DIAPH2: variants seen among roughly 807,000 people sequenced by gnomAD.
The protein encoded by DIAPH2 is protein diaphanous homolog 2.
DIAPH2 carries 35 observed loss-of-function variants against 92.7 expected under a neutral mutation model. The observed-to-expected ratio is 0.38, with a 90% CI of 0.29 to 0.50. The LOEUF (loss-of-function observed/expected upper bound fraction) is 0.50. Ranked by LOEUF, DIAPH2 falls within the 20% of genes least tolerant of loss-of-function variation. The pLI, the probability that DIAPH2 is intolerant of heterozygous loss-of-function variation, is 0.94. For missense variants in DIAPH2, 701 were observed against 819.5 expected (o/e 0.86, Z 1.77); for synonymous variants, 301 against 280.4 (o/e 1.07, Z -0.73).
In DIAPH2 at chrX:97,089,092, T is replaced by C. The variant is rs185463780; in HGVS notation, c.2248-10602T>C. Among the ~76,000 whole-genome samples the C allele has an allele frequency of 2.4e-4, 27 of 112,084 alleles. 1 individual carries two copies. The East Asian group carries it at 7.0e-3, about 29-fold the overall frequency. On this transcript the variant is annotated intron_variant, in intron 19 of 26. Transcript: ENST00000324765. Reference sequence around the variant, plus strand: ...TACTTCCAGATGAAGAGATTTTCCGTCAGTGATGAGTAGCATCGTAAATAG... The same window carrying C: ...TACTTCCAGATGAAGAGATTTTCCGCCAGTGATGAGTAGCATCGTAAATAG...
At chrX:97,015,655 T>C (rs1430236427) in intron 17 of DIAPH2, among the ~76,000 whole-genome samples, 4 of 111,059 alleles carry the variant, frequency 3.6e-5, no homozygotes, top group Non-Finnish European at 7.5e-5. Flanking sequence ...GGTGGCTTTG[T>C]AACACATCTT....
At chrX:96,812,622 A>G (rs997568096) in intron 4 of DIAPH2, among the ~76,000 whole-genome samples, 2 of 111,602 alleles carry the variant, frequency 1.8e-5, no homozygotes, top group African/African-American at 6.5e-5. Flanking sequence ...TAGGGTGTCA[A>G]TTTTAGATCT....
chrX:97,416,900 G>A (rs1183354514), intron 25 of DIAPH2, among the ~76,000 whole-genome samples: 2 of 112,333 alleles, frequency 1.8e-5, no homozygotes, highest in Non-Finnish European at 3.8e-5. Flanking sequence ...AGCCACTAGT[G>A]GATCTAATTT....
intron 22 of DIAPH2, among the ~76,000 whole-genome samples, chrX:97,188,599 G>A (rs753979836): frequency 8.9e-6 from 1 of 112,293 alleles, no homozygotes. Context: ...TTCAACTTCA[G>A]ACTGTTTAAT....
intron 20 of DIAPH2, among the ~76,000 whole-genome samples, chrX:97,101,835 CTAGGTG>C (rs976142207): frequency 1.8e-5 from 2 of 112,110 alleles, no homozygotes; most frequent in African/African-American, 6.5e-5. Flanking sequence ...ACATATTTCT[CTAGGTG>C]TATGCTGAAA....
At chrX:96,761,249 T>C (rs1280090295) in intron 4 of DIAPH2, among the ~76,000 whole-genome samples, 1 of 110,887 alleles carries the variant, frequency 9.0e-6, no homozygotes, top group Non-Finnish European at 1.9e-5. Context: ...TGTTAAGGGA[T>C]TGGTTTATTT....
intron 1 of DIAPH2, among the ~76,000 whole-genome samples, chrX:96,695,007 GC>G (rs1419463759): frequency 3.8e-5 from 4 of 106,623 alleles, no homozygotes; most frequent in African/African-American, 6.9e-5. Flanking sequence ...AAGCACAGTG[GC>G]ATGATTTCGG....
At chrX:97,396,421 C>T (rs367697027) in intron 25 of DIAPH2, among the ~76,000 whole-genome samples, 1 of 111,004 alleles carries the variant, frequency 9.0e-6, no homozygotes, top group East Asian at 2.8e-4. Context: ...CCTGTAATCC[C>T]GGCACTTTGG....
At chrX:97,222,257 TGCAGTG>T (rs2067931824) in intron 22 of DIAPH2, among the ~76,000 whole-genome samples, 1 of 110,945 alleles carries the variant, frequency 9.0e-6, no homozygotes, top group Non-Finnish European at 1.9e-5. Flanking sequence ...CAGGCTGGAG[TGCAGTG>T]GCATGATCTC....
At chrX:97,308,936 C>G (rs1206314247) in intron 23 of DIAPH2, among the ~76,000 whole-genome samples, 1 of 103,997 alleles carries the variant, frequency 9.6e-6, no homozygotes, top group Non-Finnish European at 2.0e-5. Context: ...GGAGATGGCT[C>G]GAACCTGGGA....
chrX:96,705,779 A>T (rs1003049214), intron 1 of DIAPH2, among the ~76,000 whole-genome samples: 1 of 112,092 alleles, frequency 8.9e-6, no homozygotes, highest in Non-Finnish European at 1.9e-5. Context: ...TAGCATTAGA[A>T]TCACTTGCCT....
intron 4 of DIAPH2, among the ~76,000 whole-genome samples, chrX:96,874,087 G>A (rs2065162528): frequency 9.0e-6 from 1 of 111,492 alleles, no homozygotes; most frequent in African/African-American, 3.3e-5. Flanking sequence ...ATGTGACTTG[G>A]TGACCAAGTT....
At chrX:96,847,674 T>A (rs2064980683) in intron 4 of DIAPH2, among the ~76,000 whole-genome samples, 1 of 110,888 alleles carries the variant, frequency 9.0e-6, no homozygotes, top group African/African-American at 3.3e-5. Flanking sequence ...TGTGCAAGTT[T>A]GTTATATAGG....
At chrX:97,403,685 A>T (rs1253325830) in intron 25 of DIAPH2, among the ~76,000 whole-genome samples, 1 of 111,418 alleles carries the variant, frequency 9.0e-6, no homozygotes, top group Non-Finnish European at 1.9e-5. Flanking sequence ...CAGTCCTTTG[A>T]ATTTGTTTTA....
At chrX:97,463,274 C>T (rs376190201) in intron 26 of DIAPH2, among the ~76,000 whole-genome samples, 5 of 92,258 alleles carry the variant, frequency 5.4e-5, no homozygotes, top group Middle Eastern at 5.6e-3. Context: ...TATCTGAATC[C>T]TTTTTTTTTT....
intron 4 of DIAPH2, among the ~76,000 whole-genome samples, chrX:96,839,987 C>T (rs1269510920): frequency 9.0e-6 from 1 of 111,660 alleles, no homozygotes; most frequent in Non-Finnish European, 1.9e-5. Context: ...CTAGAAGCCA[C>T]ATTTAAAAAG....
chrX:96,947,261 G>A (rs1004711983), intron 14 of DIAPH2, among the ~76,000 whole-genome samples: 1 of 111,465 alleles, frequency 9.0e-6, no homozygotes, highest in Non-Finnish European at 1.9e-5. Flanking sequence ...CATTTTTAGA[G>A]GAAAAAATGT....
chrX:96,939,518 A>ATATATATGTATG (rs2065682369), intron 12 of DIAPH2, 136 bp downstream of exon 12: 2 of 45,653 alleles, frequency 4.4e-5, no homozygotes, highest in Non-Finnish European at 9.8e-5. Context: ...ATATGTATGT[A>ATATATATGTATG]TATATATATA....
At chrX:96,788,702 C>T (rs925618020) in intron 4 of DIAPH2, among the ~76,000 whole-genome samples, 4 of 112,170 alleles carry the variant, frequency 3.6e-5, no homozygotes, top group African/African-American at 1.3e-4. Flanking sequence ...TTACTGTGTG[C>T]ATGTTCTATT....
Sources: gnomAD v4.1 joint callset for allele counts (sites outside exome capture counted in the v4.1 genomes callset) on GRCh38, gnomAD v4.1.1 for gene constraint, MANE v1.5 for transcripts, NCBI Gene and HGNC (gene_info 2026-07-23, HGNC 2026-07-21) for gene names.